The following LRRC69 variants were observed in gnomAD, a reference collection of about 807,000 sequenced individuals.
LRRC69 encodes the protein leucine rich repeat containing 69, also known as leucine-rich repeat-containing protein 69.
In LRRC69, 42 loss-of-function variants were observed where a neutral mutation model predicts 37.8. The ratio of observed to expected loss-of-function variants is 1.11; its 90% confidence interval spans 0.87 to 1.44. The LOEUF (loss-of-function observed/expected upper bound fraction) is 1.44, where lower values mean the gene tolerates loss of function less well. Ranked by LOEUF, LRRC69 falls within the 40% of genes most tolerant of loss-of-function variation. LRRC69 has a pLI of 0.00. For missense variants in LRRC69, 357 were observed against 401.9 expected, an observed-to-expected ratio of 0.89 and a Z score of 0.96; for synonymous variants, 141 against 143.1, an observed-to-expected ratio of 0.99 and a Z score of 0.11.
chr8:91,134,764 C>T (rs1813878609), intron 4 of LRRC69, among the ~76,000 whole-genome samples: 1 of 152,064 alleles, frequency 6.6e-6, no homozygotes, highest in Non-Finnish European at 1.5e-5. Flanking sequence ...CTCAGAGAAT[C>T]TCAGCTTAAA....
At chr8:91,165,670 A>T (rs1368763540) in intron 5 of LRRC69, among the ~76,000 whole-genome samples, 1 of 151,686 alleles carries the variant, frequency 6.6e-6, no homozygotes, top group Non-Finnish European at 1.5e-5. Flanking sequence ...TCTAATAAAG[A>T]CATGCAGTTA....
rs1480634073 is a variant in LRRC69 at position 91,197,328 on chromosome 8, T to G, written c.754-3285T>G. Among the ~76,000 whole-genome samples, 11 of 152,302 alleles carry G rather than the reference T, an allele frequency of 7.2e-5. 3 individuals are homozygous for G. The highest frequency in any genetic ancestry group is 2.6e-4 in the African/African-American group (11 of 41,592). ...GTGCCCTGCCCCCAGAGGTGGAGCCTACAGAGGCAGGCAGGCCTCCTGGAG... is the reference window on the plus strand; with the variant it reads ...GTGCCCTGCCCCCAGAGGTGGAGCCGACAGAGGCAGGCAGGCCTCCTGGAG... On this transcript the variant is annotated intron_variant, in intron 6 of 7. Coordinates refer to ENST00000448384, the Ensembl canonical transcript of LRRC69.
intron 5 of LRRC69, among the ~76,000 whole-genome samples, chr8:91,177,041 G>A (rs1809244248): frequency 6.6e-6 from 1 of 152,034 alleles, no homozygotes; most frequent in African/African-American, 2.4e-5. Flanking sequence ...ATTAAAAATA[G>A]GTAATTATAG....
chr8:91,156,154 A>G (rs1808831083), intron 5 of LRRC69, among the ~76,000 whole-genome samples: 1 of 150,790 alleles, frequency 6.6e-6, no homozygotes, highest in Admixed American at 6.6e-5. Flanking sequence ...GTACTAATTT[A>G]TGTTCCCATT....
At chr8:91,175,616 C>A (rs1487101005) in intron 5 of LRRC69, among the ~76,000 whole-genome samples, 1 of 151,954 alleles carries the variant, frequency 6.6e-6, no homozygotes, top group Non-Finnish European at 1.5e-5. Flanking sequence ...TCAGTTAGTT[C>A]AGTTCCCAAG....
At chr8:91,190,764 A>G (rs1809480131) in intron 6 of LRRC69, among the ~76,000 whole-genome samples, 2 of 152,172 alleles carry the variant, frequency 1.3e-5, no homozygotes, top group African/African-American at 4.8e-5. Flanking sequence ...TTTATAAACA[A>G]AGATACAAGG....
At chr8:91,211,488 A>G (rs927394384) in intron 7 of LRRC69, among the ~76,000 whole-genome samples, 2 of 151,260 alleles carry the variant, frequency 1.3e-5, no homozygotes, top group East Asian at 3.8e-4. Flanking sequence ...AAACAGAGTG[A>G]AAACATGCAC....
chr8:91,157,217 C>A, intron 5 of LRRC69: 1 of 1,131,200 alleles, frequency 8.8e-7, no homozygotes, highest in Non-Finnish European at 1.3e-6. Context: ...AATATAATCA[C>A]TTTAACATTA....
intron 7 of LRRC69, among the ~76,000 whole-genome samples, chr8:91,210,429 CA>C (rs1193013061): frequency 6.6e-6 from 1 of 152,040 alleles, no homozygotes; most frequent in Non-Finnish European, 1.5e-5. Flanking sequence ...ATATTTGAAA[CA>C]CTGTCATGTG....
chr8:91,140,151 A>G (rs1441378445), intron 5 of LRRC69, among the ~76,000 whole-genome samples: 1 of 151,530 alleles, frequency 6.6e-6, no homozygotes, highest in Non-Finnish European at 1.5e-5. Flanking sequence ...TTATCAATGT[A>G]TCAATAGCAG....
At chr8:91,157,465 A>C in intron 5 of LRRC69, 5 of 1,603,494 alleles carry the variant, frequency 3.1e-6, no homozygotes, top group Non-Finnish European at 4.3e-6. Flanking sequence ...AATATGCAAG[A>C]AAGGAAGTTT....
At chr8:91,186,537 G>A (rs1321008957) in intron 5 of LRRC69, among the ~76,000 whole-genome samples, 1 of 152,136 alleles carries the variant, frequency 6.6e-6, no homozygotes, top group Non-Finnish European at 1.5e-5. Flanking sequence ...GGGCTTACTA[G>A]GATATATGGT....
chr8:91,161,301 C>T (rs562251524), intron 5 of LRRC69, among the ~76,000 whole-genome samples: 403 of 151,428 alleles, frequency 2.7e-3, no homozygotes, highest in African/African-American at 9.2e-3. Flanking sequence ...AAGGGAAATG[C>T]TGGCCTTGAA....
At chr8:91,109,695 A>C (rs1435924382) in intron 1 of LRRC69, among the ~76,000 whole-genome samples, 1 of 152,044 alleles carries the variant, frequency 6.6e-6, no homozygotes, top group Non-Finnish European at 1.5e-5. Context: ...TTTGGGATTT[A>C]AGGGGCCAGC....
intron 6 of LRRC69, among the ~76,000 whole-genome samples, chr8:91,196,893 G>T (rs562467596): frequency 9.2e-5 from 14 of 152,238 alleles, no homozygotes; most frequent in South Asian, 4.1e-4. Context: ...GAGGCACTGC[G>T]TTCCTTTGGA....
chr8:91,199,118 C>T (rs998309603), intron 6 of LRRC69, among the ~76,000 whole-genome samples: 10 of 152,150 alleles, frequency 6.6e-5, no homozygotes. Flanking sequence ...GAATCCTTAT[C>T]CATGAGTTTT....
rs183702702 is a variant in LRRC69 at position 91,136,725 on chromosome 8, C to A, written c.651+986C>A. ...ATACTTTGAAATAAGATCTTTCCCC[C>A]CTTCATGGCAACCACATATCTACTA... On this transcript the variant is annotated intron_variant, in intron 5 of 7. Coordinates refer to ENST00000448384, the Ensembl canonical transcript of LRRC69. Among the ~76,000 whole-genome samples, 10 of 152,062 alleles carry A rather than the reference C, an allele frequency of 6.6e-5. No homozygotes were observed. In the East Asian group the frequency reaches 1.2e-3, roughly 18 times the overall value.
chr8:91,168,626 C>T (rs1809071460), intron 5 of LRRC69, among the ~76,000 whole-genome samples: 1 of 151,890 alleles, frequency 6.6e-6, no homozygotes, highest in Non-Finnish European at 1.5e-5. Flanking sequence ...CAGGATGGAC[C>T]TCTGGCAGCA....
intron 3 of LRRC69, among the ~76,000 whole-genome samples, chr8:91,131,510 T>A (rs1174900441): frequency 6.6e-6 from 1 of 152,004 alleles, no homozygotes; most frequent in South Asian, 2.1e-4. Flanking sequence ...ATCTCTACTT[T>A]TATTTAAAGC....
Sources: allele counts gnomAD v4.1 joint callset (sites outside exome capture counted in the v4.1 genomes callset), GRCh38; gene constraint gnomAD v4.1.1; transcripts MANE v1.5; gene names NCBI Gene and HGNC (gene_info 2026-07-23, HGNC 2026-07-21).